PLS3: variants seen among roughly 807,000 people sequenced by gnomAD.
The protein encoded by PLS3 is plastin-3.
A neutral mutation model predicts 46.5 loss-of-function variants in PLS3; 11 were observed. The ratio of observed to expected loss-of-function variants is 0.24; its 90% CI spans 0.15 to 0.39. PLS3 has a LOEUF of 0.39. PLS3 is among the 10% of genes least tolerant of loss of function. The pLI, the probability that PLS3 is intolerant of heterozygous loss-of-function variation, is 1.00. For missense variants in PLS3, 308 were observed against 461.8 expected (o/e 0.67, Z 3.05); for synonymous variants, 167 against 162.2 (o/e 1.03, Z -0.22).
intron 5 of PLS3, among the ~76,000 whole-genome samples, chrX:115,631,671 G>A (rs1000409163): frequency 2.7e-5 from 3 of 111,182 alleles, no homozygotes; most frequent in Non-Finnish European, 3.8e-5. Flanking sequence ...AGTACAAGGC[G>A]GCAGTGAGCC....
chrX:115,620,823 A>T lies in PLS3; in HGVS notation c.74-1423A>T, dbSNP rs782424893. On this transcript the variant is annotated intron_variant, in intron 2 of 15. Transcript: ENST00000355899. ...ATTCTCCTGCCTCAGCCTCCCGAGT[A>T]GGTGGGACTATAGGCGCCCACCACC... Among the ~76,000 whole-genome samples, 3 of 93,806 alleles carry T rather than the reference A, an allele frequency of 3.2e-5. No homozygotes were observed. The South Asian group carries it at 1.5e-3, about 48-fold the overall frequency. The allele number at this position is 93,806 out of a possible 115,157, so 81.5% of individuals were successfully genotyped here. A position where few individuals can be genotyped will look rare whatever the true frequency, so the allele number is the denominator to read the frequency against.
chrX:115,581,411 A>C (rs978686238), intron 1 of PLS3, among the ~76,000 whole-genome samples: 1 of 112,103 alleles, frequency 8.9e-6, no homozygotes, highest in East Asian at 2.8e-4. Flanking sequence ...TTGATTGTTG[A>C]TTCTGCAAAA....
chrX:115,646,554 G>A lies in PLS3; in HGVS notation c.1511+19G>A. 2.5e-6 allele frequency: 3 copies of A among 1,197,685 alleles called. No individual in the cohort carries two copies. Among genetic ancestry groups the A allele is most frequent in the Non-Finnish European group, 3.4e-6 (3 of 885,647 alleles). On this transcript the variant is annotated intron_variant, in intron 13 of 15. Coordinates refer to ENST00000355899, the MANE Select transcript of PLS3 (RefSeq NM_005032.7). ...TGAGAAGGTATAGTACACAATTTTA[G>A]CTGTTTAGTCTTTACTATCATACAG...
intron 3 of PLS3, among the ~76,000 whole-genome samples, chrX:115,627,322 C>G (rs1423934829): frequency 3.6e-5 from 4 of 112,249 alleles, no homozygotes; most frequent in African/African-American, 1.3e-4. Flanking sequence ...AGCAGAAGCA[C>G]TCGTAATAAG....
chrX:115,590,196 C>T (rs1216571121), intron 1 of PLS3, among the ~76,000 whole-genome samples: 1 of 111,615 alleles, frequency 9.0e-6, no homozygotes, highest in Non-Finnish European at 1.9e-5. Context: ...TTTGTAACAT[C>T]TAGAGAGAGT....
intron 5 of PLS3, 145 bp downstream of exon 5, chrX:115,630,112 C>A (rs2074749615): frequency 2.4e-6 from 1 of 423,682 alleles, no homozygotes; most frequent in Non-Finnish European, 4.0e-6. Flanking sequence ...TTCATTTAAT[C>A]TCTAGGTCTG....
rs2074817532 is a variant in PLS3, at chrX:115,635,115, C to G, written c.748+69C>G. 1.6e-5 allele frequency: 15 copies of G among 937,002 alleles called. No homozygotes were observed. The East Asian group carries it at 4.6e-4, about 29-fold the overall frequency. The allele number at this position is 937,002 out of a possible 1,213,427, so 77.2% of individuals were successfully genotyped here. Reference sequence around the variant, plus strand: ...TTTTCTAGTCATGCAGACTTTCGTGCTCTCACTTAATGGAGGTGATTAAAT... The same window carrying G: ...TTTTCTAGTCATGCAGACTTTCGTGGTCTCACTTAATGGAGGTGATTAAAT... On this transcript the variant is annotated intron_variant, in intron 7 of 15. Transcript: ENST00000355899.
chrX:115,632,748 C>A (rs1388123019), intron 5 of PLS3, among the ~76,000 whole-genome samples: 1 of 109,707 alleles, frequency 9.1e-6, no homozygotes, highest in Admixed American at 9.8e-5. Flanking sequence ...TTCCACCCCC[C>A]ACTTTTTTTT....
Position 115,575,665 on chromosome X carries a change from A to C in PLS3, c.-9+14405A>C, listed in dbSNP as rs781831039. Among the ~76,000 whole-genome samples, 5 of 111,082 alleles carry C rather than the reference A, an allele frequency of 4.5e-5. No individual in the cohort carries two copies. The South Asian group carries it at 1.9e-3, about 42-fold the overall frequency. ...TCACCGTGTTAGCCAGGATGGTCTC[A>C]ATCTCCTGACCTCGTGATCCACCCG... On this transcript the variant is annotated intron_variant, in intron 1 of 15. Coordinates refer to ENST00000355899, the MANE Select transcript of PLS3 (RefSeq NM_005032.7).
At chrX:115,565,021 G>A (rs1165746930) in intron 1 of PLS3, among the ~76,000 whole-genome samples, 1 of 111,870 alleles carries the variant, frequency 8.9e-6, no homozygotes, top group Non-Finnish European at 1.9e-5. Context: ...ACCATATAAT[G>A]TATATTCAGT....
chrX:115,616,538 A>G (rs1265042204), intron 2 of PLS3, among the ~76,000 whole-genome samples: 8 of 112,365 alleles, frequency 7.1e-5, no homozygotes, highest in African/African-American at 2.6e-4. Context: ...GAAGTAGACT[A>G]AAAGTTGTGA....
intron 1 of PLS3, 109 bp from the exon 2 acceptor site, chrX:115,610,134 T>C: frequency 2.8e-6 from 1 of 352,492 alleles, no homozygotes; most frequent in Non-Finnish European, 4.9e-6. Context: ...TCAGATTGTT[T>C]TGATAGTTTG....
chrX:115,567,589 C>T (rs1371165234), intron 1 of PLS3, among the ~76,000 whole-genome samples: 1 of 109,267 alleles, frequency 9.2e-6, no homozygotes, highest in East Asian at 2.8e-4. Flanking sequence ...GAGACCCCAT[C>T]TCAAAAGAAA....
intron 1 of PLS3, among the ~76,000 whole-genome samples, chrX:115,573,417 C>T (rs1556630905): frequency 8.9e-6 from 1 of 112,202 alleles, no homozygotes; most frequent in East Asian, 2.8e-4. Flanking sequence ...AGAAAACGAG[C>T]CACACCCCAT....
intron 3 of PLS3, among the ~76,000 whole-genome samples, chrX:115,623,754 A>G (rs1351233154): frequency 9.0e-6 from 1 of 111,471 alleles, no homozygotes; most frequent in Non-Finnish European, 1.9e-5. Context: ...TTTTTCCCCA[A>G]GACAACTGAA....
intron 2 of PLS3, among the ~76,000 whole-genome samples, chrX:115,612,947 A>G (rs1306775748): frequency 2.7e-5 from 3 of 111,972 alleles, no homozygotes; most frequent in Non-Finnish European, 5.6e-5. Context: ...AAATGCTGTA[A>G]TACATAACTA....
intron 15 of PLS3, among the ~76,000 whole-genome samples, chrX:115,648,910 C>T (rs781943559): frequency 9.0e-6 from 1 of 111,700 alleles, no homozygotes; most frequent in African/African-American, 3.2e-5. Context: ...CTCAGTTCTT[C>T]TGTCCCTTCG....
intron 1 of PLS3, among the ~76,000 whole-genome samples, chrX:115,573,295 C>G (rs987494857): frequency 1.8e-5 from 2 of 111,169 alleles, no homozygotes; most frequent in African/African-American, 6.5e-5. Context: ...ATAATTATTG[C>G]ATACCAAAAA....
intron 15 of PLS3, 82 bp from the exon 16 acceptor site, chrX:115,649,347 T>G (rs1556642172): frequency 3.8e-6 from 3 of 780,639 alleles, no homozygotes; most frequent in Non-Finnish European, 1.8e-6. Context: ...AGCATAATAA[T>G]TATATATGAG....
Sources: gnomAD v4.1 joint callset for allele counts (sites outside exome capture counted in the v4.1 genomes callset) on GRCh38, gnomAD v4.1.1 for gene constraint, MANE v1.5 for transcripts, NCBI Gene and HGNC (gene_info 2026-07-23, HGNC 2026-07-21) for gene names.